The following UTRN variants were observed in gnomAD, a reference collection of about 807,000 sequenced individuals.
The protein encoded by UTRN is utrophin.
In UTRN, 283 loss-of-function variants were observed where a neutral mutation model predicts 463.9. That is an observed-to-expected ratio of 0.61 (90% CI 0.55 to 0.67). UTRN has a LOEUF of 0.67. Among genes scored for constraint, UTRN ranks in the 30% least tolerant of loss-of-function variants. The pLI, the probability that UTRN is intolerant of heterozygous loss-of-function variation, is 0.00. For synonymous variants in UTRN, 1,442 were observed against 1,431.5 expected (o/e 1.01, Z -0.17); for missense variants, 3,922 against 4,084.3 (o/e 0.96, Z 1.08).
chr6:144,488,757 T>C lies in UTRN; in HGVS notation c.4057T>C (p.Leu1353=). The C allele has an allele frequency of 6.2e-7, 1 of 1,613,304 alleles. No homozygotes were observed. Among genetic ancestry groups the C allele is most frequent in the South Asian group, 1.1e-5 (1 of 90,918 alleles). ...GATGCTTCAAGTCTTGCAAGAGAGC[T>C]TGGGGGAGCTGGACAAACAGCTCAC... is the stretch of plus-strand genomic sequence containing the variant. ...DQMLQVLQES[L]GELDKQLTTY... is the part of the protein sequence containing the mutation. Residue 1353 remains leucine (L), a synonymous_variant, in exon 30 of 75, where the codon TTG becomes CTG. Transcript: ENST00000367545.
chr6:144,714,137 T>A (rs1004491802), intron 53 of UTRN, among the ~76,000 whole-genome samples: 25 of 152,174 alleles, frequency 1.6e-4, no homozygotes, highest in African/African-American at 5.3e-4. Context: ...GATTTTTTTT[T>A]AAATTTTGTC....
intron 65 of UTRN, among the ~76,000 whole-genome samples, chr6:144,807,635 C>T (rs988455350): frequency 4.6e-5 from 7 of 152,160 alleles, no homozygotes; most frequent in Non-Finnish European, 2.9e-5. Context: ...AACAGCTCAA[C>T]TCCCACTTTG....
At chr6:144,551,494 A>T (rs1798916983) in intron 48 of UTRN, among the ~76,000 whole-genome samples, 1 of 152,246 alleles carries the variant, frequency 6.6e-6, no homozygotes, top group Admixed American at 6.5e-5. Context: ...AATTCAGTCC[A>T]CAAATATTTA....
At chr6:144,652,840 G>C (rs1381163274) in intron 51 of UTRN, among the ~76,000 whole-genome samples, 1 of 152,152 alleles carries the variant, frequency 6.6e-6, no homozygotes, top group East Asian at 1.9e-4. Context: ...TTTCTATTGA[G>C]GGCTGGTTTG....
At chr6:144,296,828 G>T (rs1804756179) in intron 2 of UTRN, among the ~76,000 whole-genome samples, 1 of 152,130 alleles carries the variant, frequency 6.6e-6, no homozygotes, top group African/African-American at 2.4e-5. Context: ...AGCTCCTCTG[G>T]ACCCCAGGTT....
chr6:144,417,895 C>T (rs974512406), intron 3 of UTRN, among the ~76,000 whole-genome samples: 3 of 152,122 alleles, frequency 2.0e-5, no homozygotes, highest in African/African-American at 7.2e-5. Context: ...ATTGACACTA[C>T]CATGTTCTCA....
intron 51 of UTRN, among the ~76,000 whole-genome samples, chr6:144,585,995 TA>T (rs1186533525): frequency 6.6e-6 from 1 of 152,152 alleles, no homozygotes; most frequent in African/African-American, 2.4e-5. Flanking sequence ...AGTGTCTGAA[TA>T]TTTTTATCTT....
chr6:144,322,278 A>G (rs1775706462), intron 2 of UTRN, among the ~76,000 whole-genome samples: 1 of 152,076 alleles, frequency 6.6e-6, no homozygotes, highest in South Asian at 2.1e-4. Flanking sequence ...TTAAATAAAT[A>G]TTTTAGTTGG....
chr6:144,665,140 A>C (rs962523632), intron 51 of UTRN, among the ~76,000 whole-genome samples: 1 of 152,200 alleles, frequency 6.6e-6, no homozygotes, highest in Non-Finnish European at 1.5e-5. Flanking sequence ...CTGTTGCCAC[A>C]TAAGGTTAAG....
chr6:144,643,624 C>G (rs954322028), intron 51 of UTRN, among the ~76,000 whole-genome samples: 1 of 151,964 alleles, frequency 6.6e-6, no homozygotes, highest in Admixed American at 6.6e-5. Flanking sequence ...TGGTGAAACC[C>G]CATCTCTACT....
chr6:144,774,305 T>TAC lies in UTRN; in HGVS notation c.8574_8575dup (p.Arg2859HisfsTer24). 6.2e-7 allele frequency: 1 copy of TAC among 1,604,218 alleles called. No homozygotes were observed. Among genetic ancestry groups the TAC allele is most frequent in the Non-Finnish European group, 8.5e-7 (1 of 1,177,110 alleles). On this transcript the variant is annotated frameshift_variant, in exon 60 of 75. Coordinates refer to ENST00000367545, the MANE Select transcript of UTRN (RefSeq NM_007124.3). LOFTEE classifies it high-confidence loss of function. ...TCTATTTCAGCTGACCTGAATAATG[T>TAC]ACGTTTTTCTGCCTACCGTACAGCA...
At chr6:144,775,963 A>G (rs1775288135) in intron 60 of UTRN, among the ~76,000 whole-genome samples, 1 of 152,186 alleles carries the variant, frequency 6.6e-6, no homozygotes, top group South Asian at 2.1e-4. Flanking sequence ...CAATTAAACA[A>G]CTAAATGACA....
At position 144,548,627 on chromosome 6, in the gene UTRN, T is replaced by G. The variant is rs778780429; in HGVS notation, c.6596-13T>G. ...GTTGATTAATTTCTCTTTTGCTACA[T>G]TTTTCATTTCAGCTCATCCTAATGT... is the stretch of plus-strand genomic sequence containing the variant. On this transcript the variant is annotated splice_polypyrimidine_tract_variant and intron_variant, in intron 46 of 74. Transcript: ENST00000367545. 8.7e-6 allele frequency: 14 copies of G among 1,608,348 alleles called. No individual in the cohort carries two copies. In the Admixed American group the frequency reaches 2.0e-4, roughly 23 times the overall value.
intron 2 of UTRN, among the ~76,000 whole-genome samples, chr6:144,351,526 G>T (rs771709007): frequency 2.6e-5 from 4 of 152,114 alleles, no homozygotes; most frequent in Non-Finnish European, 4.4e-5. Flanking sequence ...ATATCTTTGT[G>T]GCAAGATGCC....
At chr6:144,717,795 C>G (rs929430356) in intron 53 of UTRN, among the ~76,000 whole-genome samples, 2 of 151,556 alleles carry the variant, frequency 1.3e-5, no homozygotes, top group Non-Finnish European at 2.9e-5. Flanking sequence ...GCCACCACAC[C>G]CAGCTAATTT....
chr6:144,444,023 T>C (rs1418119940), intron 13 of UTRN, among the ~76,000 whole-genome samples: 2 of 152,136 alleles, frequency 1.3e-5, no homozygotes, highest in African/African-American at 4.8e-5. Context: ...AGGTTTGGAG[T>C]CAAAGATTCA....
intron 19 of UTRN, among the ~76,000 whole-genome samples, chr6:144,457,534 G>A (rs1436940802): frequency 6.6e-6 from 1 of 152,200 alleles, no homozygotes; most frequent in African/African-American, 2.4e-5. Context: ...TAGGAAAATG[G>A]TGATTTGTTT....
chr6:144,649,858 G>A (rs561997116), intron 51 of UTRN, among the ~76,000 whole-genome samples: 1 of 152,274 alleles, frequency 6.6e-6, no homozygotes, highest in Non-Finnish European at 1.5e-5. Flanking sequence ...TTCAAATTCA[G>A]TTAGGTTTGT....
At chr6:144,447,936 A>C (rs1330130152) in intron 16 of UTRN, among the ~76,000 whole-genome samples, 155 bp downstream of exon 16, 1 of 152,248 alleles carries the variant, frequency 6.6e-6, no homozygotes, top group East Asian at 1.9e-4. Context: ...AGTTTTCTAA[A>C]GTAAGTTTTA....
Sources: allele counts gnomAD v4.1 joint callset (sites outside exome capture counted in the v4.1 genomes callset), GRCh38; gene constraint gnomAD v4.1.1; transcripts MANE v1.5; gene names NCBI Gene and HGNC (gene_info 2026-07-23, HGNC 2026-07-21).